The following DCC variants were observed in gnomAD, a reference collection of about 807,000 sequenced individuals.
The protein encoded by DCC is netrin receptor DCC.
Under a neutral mutation model 172.5 loss-of-function variants are expected in DCC, and 58 were observed. The ratio of observed to expected loss-of-function variants is 0.34; its 90% CI spans 0.27 to 0.42. The LOEUF (loss-of-function observed/expected upper bound fraction) is 0.42. Among genes scored for constraint, DCC ranks in the 10% least tolerant of loss-of-function variants. The pLI is 1.00. For missense variants in DCC, 1,740 were observed against 1,791.0 expected, an observed-to-expected ratio of 0.97 and a Z score of 0.51; for synonymous variants, 709 against 644.5, an observed-to-expected ratio of 1.10 and a Z score of -1.52.
chr18:53,509,618 C>T (rs1425815455), intron 27 of DCC, among the ~76,000 whole-genome samples: 2 of 152,226 alleles, frequency 1.3e-5, no homozygotes, highest in Admixed American at 6.5e-5. Context: ...GGTTTGGTAA[C>T]TCACTTGAAA....
chr18:52,845,733 G>A (rs966154240), intron 2 of DCC, among the ~76,000 whole-genome samples: 5 of 152,170 alleles, frequency 3.3e-5, no homozygotes, highest in African/African-American at 1.2e-4. Flanking sequence ...AAATTTAACA[G>A]CATTTATTTG....
At chr18:53,303,955 G>A (rs1282309068) in intron 12 of DCC, among the ~76,000 whole-genome samples, 1 of 152,120 alleles carries the variant, frequency 6.6e-6, no homozygotes, top group Non-Finnish European at 1.5e-5. Context: ...CTAGAAAGGG[G>A]GTGGAGTGGG....
intron 7 of DCC, among the ~76,000 whole-genome samples, chr18:53,101,842 C>T (rs62099186): frequency 0.11 from 5,233 of 46,358 alleles, 170 homozygotes; most frequent in African/African-American, 0.26. Context: ...TGTGTGTGTG[C>T]GTGTGCGTGT....
At chr18:53,274,839 A>T (rs544113830) in intron 12 of DCC, among the ~76,000 whole-genome samples, 70 of 152,216 alleles carry the variant, frequency 4.6e-4, no homozygotes, top group Middle Eastern at 6.8e-3. Context: ...ATACAGTCTC[A>T]ATCTTCAGAT....
At chr18:52,507,912 C>G (rs959273584) in intron 1 of DCC, among the ~76,000 whole-genome samples, 1 of 152,024 alleles carries the variant, frequency 6.6e-6, no homozygotes, top group African/African-American at 2.4e-5. Context: ...ACCAGCCTGA[C>G]CAATATGGTG....
At chr18:52,856,643 A>AAAAAAG (rs397933777) in intron 2 of DCC, among the ~76,000 whole-genome samples, 2 of 150,990 alleles carry the variant, frequency 1.3e-5, no homozygotes, top group Non-Finnish European at 3.0e-5. Flanking sequence ...AAAAAAAAAA[A>AAAAAAG]GAAAACAAAA....
At chr18:52,376,142 G>T (rs1985336167) in intron 1 of DCC, among the ~76,000 whole-genome samples, 1 of 152,156 alleles carries the variant, frequency 6.6e-6, no homozygotes, top group South Asian at 2.1e-4. Flanking sequence ...GTCATAGGGT[G>T]CTGTTTATAA....
intron 1 of DCC, among the ~76,000 whole-genome samples, chr18:52,407,642 C>A (rs1986699048): frequency 2.0e-5 from 3 of 151,694 alleles, no homozygotes; most frequent in Non-Finnish European, 4.4e-5. Flanking sequence ...GGTGTTCTTG[C>A]ATCTTCTTCC....
chr18:52,602,957 T>C (rs956689912), intron 1 of DCC, among the ~76,000 whole-genome samples: 2 of 152,076 alleles, frequency 1.3e-5, no homozygotes, highest in Non-Finnish European at 2.9e-5. Flanking sequence ...ATAGACGGGC[T>C]TTTCCTACCT....
intron 1 of DCC, among the ~76,000 whole-genome samples, chr18:52,695,103 A>G (rs2035991220): frequency 6.6e-6 from 1 of 152,118 alleles, no homozygotes; most frequent in African/African-American, 2.4e-5. Context: ...GAAAGGAATG[A>G]ATTTCGTAGG....
chr18:52,816,012 C>T (rs1471449289), intron 2 of DCC, among the ~76,000 whole-genome samples: 1 of 152,188 alleles, frequency 6.6e-6, no homozygotes, highest in Non-Finnish European at 1.5e-5. Flanking sequence ...TAAGTAATAG[C>T]AACTGATAAT....
intron 1 of DCC, among the ~76,000 whole-genome samples, chr18:52,686,748 G>A (rs1009805029): frequency 2.6e-5 from 4 of 152,116 alleles, no homozygotes; most frequent in Non-Finnish European, 4.4e-5. Flanking sequence ...CTTACATGGG[G>A]TGGATTTAAG....
At chr18:53,504,675 G>T (rs1029415762) in intron 27 of DCC, among the ~76,000 whole-genome samples, 1 of 152,112 alleles carries the variant, frequency 6.6e-6, no homozygotes, top group Non-Finnish European at 1.5e-5. Context: ...CTACCTACTT[G>T]GTGGCTTAAT....
intron 5 of DCC, among the ~76,000 whole-genome samples, chr18:53,005,835 T>C (rs1183233787): frequency 6.6e-6 from 1 of 152,246 alleles, no homozygotes; most frequent in Non-Finnish European, 1.5e-5. Context: ...TAAATATGCA[T>C]GTAATATACT....
intron 24 of DCC, among the ~76,000 whole-genome samples, chr18:53,461,764 C>G (rs1206042250): frequency 1.3e-5 from 2 of 152,182 alleles, no homozygotes; most frequent in African/African-American, 4.8e-5. Context: ...GGCAGATTTC[C>G]TAACTTCCTT....
intron 26 of DCC, 51 bp downstream of exon 26, chr18:53,487,009 G>C: frequency 6.2e-7 from 1 of 1,610,210 alleles, no homozygotes; most frequent in Non-Finnish European, 8.5e-7. Context: ...AATAGCAAAG[G>C]TGTCTTGTAA....
rs909903239 is a variant in DCC at position 52,633,611 on chromosome 18, C to G, written c.92-118443C>G. On this transcript the variant is annotated intron_variant, in intron 1 of 28. Coordinates refer to ENST00000442544, the MANE Select transcript of DCC (RefSeq NM_005215.4). The stretch of plus-strand genomic sequence containing the variant: ...GATGAACTTTTGATTTTTAAAAAAT[C>G]AAATGAACCTCAATTTGCAACAATA... Among the ~76,000 whole-genome samples, 3 of 152,238 alleles carry G rather than the reference C, an allele frequency of 2.0e-5. No individual in the cohort carries two copies. The East Asian group carries it at 5.8e-4, about 29-fold the overall frequency.
At chr18:53,118,337 A>G (rs2043436193) in intron 7 of DCC, among the ~76,000 whole-genome samples, 1 of 151,838 alleles carries the variant, frequency 6.6e-6, no homozygotes, top group South Asian at 2.1e-4. Context: ...ATAATACTGC[A>G]TCATAGTGTT....
chr18:52,598,504 A>G (rs927112045), intron 1 of DCC, among the ~76,000 whole-genome samples: 1 of 152,178 alleles, frequency 6.6e-6, no homozygotes, highest in Non-Finnish European at 1.5e-5. Flanking sequence ...ACGCTTTTCT[A>G]TAGACAGCAA....
Sources: gnomAD v4.1 joint callset for allele counts (sites outside exome capture counted in the v4.1 genomes callset) on GRCh38, gnomAD v4.1.1 for gene constraint, MANE v1.5 for transcripts, NCBI Gene and HGNC (gene_info 2026-07-23, HGNC 2026-07-21) for gene names.